RAMP1: variants seen among roughly 807,000 people sequenced by gnomAD.
The protein encoded by RAMP1 is receptor activity modifying protein 1.
RAMP1 carries 7 observed loss-of-function variants against 8.2 expected under a neutral mutation model. That is an observed-to-expected ratio of 0.85 (90% CI 0.49 to 1.60). The LOEUF is 1.60. Among genes scored for constraint, RAMP1 ranks in the 40% most tolerant of loss-of-function variants. RAMP1 has a pLI of 0.00. For synonymous variants in RAMP1, 92 were observed against 84.7 expected, an observed-to-expected ratio of 1.09 and a Z score of -0.47; for missense variants, 192 against 202.4, an observed-to-expected ratio of 0.95 and a Z score of 0.31.
intron 1 of RAMP1, among the ~76,000 whole-genome samples, chr2:237,868,416 T>C (rs2062211069): frequency 6.6e-6 from 1 of 152,152 alleles, no homozygotes; most frequent in South Asian, 2.1e-4. Flanking sequence ...TATCCACATA[T>C]CATTATGTGA....
rs2062112342 is a variant in RAMP1 at position 237,859,649 on chromosome 2, G to T, written c.-27G>T. On this transcript the variant is annotated 5_prime_UTR_variant, in exon 1 of 3. Transcript: ENST00000254661. ...GTCCTCAGCGGGGCGCGTGGCGAGC[G>T]GACTCGACTCGGCACCGCTGTGCAC... 6.9e-7 allele frequency: 1 copy of T among 1,444,340 alleles called. No homozygotes were observed. The highest frequency in any genetic ancestry group is 1.4e-5 in the South Asian group (1 of 71,942). 89.5% of individuals were successfully genotyped at this position (1,444,340 alleles called of 1,614,324 possible). A position where few individuals can be genotyped will look rare whatever the true frequency, so the allele number is the denominator to read the frequency against.
intron 2 of RAMP1, among the ~76,000 whole-genome samples, chr2:237,906,786 G>C (rs899712100): frequency 1.5e-5 from 2 of 137,366 alleles, no homozygotes; most frequent in African/African-American, 2.7e-5. Flanking sequence ...GCAATGGCGT[G>C]ATCTCAACTC....
chr2:237,902,247 C>T (rs553471042), intron 2 of RAMP1, among the ~76,000 whole-genome samples: 1 of 147,442 alleles, frequency 6.8e-6, no homozygotes, highest in African/African-American at 2.5e-5. Flanking sequence ...GAGGTGGGGG[C>T]CTGGAGCAAG....
rs552575312 is a variant in RAMP1 at position 237,875,085 on chromosome 2, T to C, written c.53-2139T>C. ...GGCAGCCTGGAATTCCTTCCCTGAGTTGACAAGTCAGTGTCTGAGCCCTCC... is the reference window on the plus strand; with the variant it reads ...GGCAGCCTGGAATTCCTTCCCTGAGCTGACAAGTCAGTGTCTGAGCCCTCC... On this transcript the variant is annotated intron_variant, in intron 1 of 2. Transcript: ENST00000254661. Among the ~76,000 whole-genome samples the C allele has an allele frequency of 2.6e-5, 4 of 152,224 alleles. No homozygotes were observed. In the South Asian group the frequency reaches 6.2e-4, roughly 24 times the overall value.
Position 237,911,789 on chromosome 2 carries a change from G to T in RAMP1, c.*6G>T. ...GCACTGAGGGCATTGTGTAGGCGGG[G>T]CCCAGGCTGCCCGCGGGTGCACCCA... On this transcript the variant is annotated 3_prime_UTR_variant, in exon 3 of 3. Transcript: ENST00000254661. 6.3e-7 allele frequency: 1 copy of T among 1,591,020 alleles called. No individual in the cohort carries two copies. Among genetic ancestry groups the T allele is most frequent in the East Asian group, 2.3e-5 (1 of 43,682 alleles).
At chr2:237,875,127 C>G (rs2151007480) in intron 1 of RAMP1, among the ~76,000 whole-genome samples, 1 of 152,228 alleles carries the variant, frequency 6.6e-6, no homozygotes, top group Non-Finnish European at 1.5e-5. Flanking sequence ...CCTGGGAGCT[C>G]CTGGGGCATC....
intron 1 of RAMP1, among the ~76,000 whole-genome samples, chr2:237,872,105 G>A (rs930032937): frequency 1.3e-5 from 2 of 152,212 alleles, no homozygotes; most frequent in South Asian, 2.1e-4. Flanking sequence ...CATGCCTTAA[G>A]GATGTTAGGG....
intron 2 of RAMP1, among the ~76,000 whole-genome samples, chr2:237,910,576 TACACAGTCACACAGAATAACACAGTC>T (rs564846305): frequency 2.8e-3 from 396 of 143,120 alleles, no homozygotes; most frequent in Non-Finnish European, 4.3e-3. Context: ...GAATAACAGT[TACACAGTCACACAGAATAACACAGTC>T]ACACAGTCAC....
In RAMP1 at chr2:237,877,755, T is replaced by C. The variant is rs2062324525; in HGVS notation, c.191+393T>C. 1.3e-5 allele frequency among the ~76,000 whole-genome samples: 2 copies of C among 152,132 alleles called. No individual in the cohort carries two copies. Among genetic ancestry groups the C allele is most frequent in the African/African-American group, 2.4e-5 (1 of 41,440 alleles). On this transcript the variant is annotated intron_variant, in intron 2 of 2. Coordinates refer to ENST00000254661, the MANE Select transcript of RAMP1 (RefSeq NM_005855.4). The surrounding 1 kb of genome is among the most constrained non-coding windows in gnomAD (Gnocchi z 4.4). ...CTGCTGATTCCCTCTGTCCCTGTGG[T>C]CAGGCCAAAGCTGTCCTTCCTGGCC...
At chr2:237,894,728 C>T (rs2062521136) in intron 2 of RAMP1, among the ~76,000 whole-genome samples, 1 of 152,214 alleles carries the variant, frequency 6.6e-6, no homozygotes, top group Non-Finnish European at 1.5e-5. Context: ...CCCAGGCTGT[C>T]CAGGTGGCTT....
rs1005721834 is a variant in RAMP1, at chr2:237,859,737, T to C, written c.52+10T>C. ...CTCTGGCTGCTCCTGGGTGAGTAGG[T>C]CCAGGGGTCCCGGCCGAGCTCCCTT... On this transcript the variant is annotated intron_variant, in intron 1 of 2. Coordinates refer to ENST00000254661, the MANE Select transcript of RAMP1 (RefSeq NM_005855.4). 1.2e-5 allele frequency: 18 copies of C among 1,504,638 alleles called. No homozygotes were observed. The highest frequency in any genetic ancestry group is 1.5e-5 in the African/African-American group (1 of 68,848). 93.2% of individuals were successfully genotyped at this position (1,504,638 alleles called of 1,614,324 possible).
chr2:237,864,037 C>T (rs1338044047), intron 1 of RAMP1, among the ~76,000 whole-genome samples: 2 of 152,112 alleles, frequency 1.3e-5, no homozygotes, highest in Non-Finnish European at 2.9e-5. Context: ...GTTAGTGTCA[C>T]CCCCACACAT....
intron 1 of RAMP1, among the ~76,000 whole-genome samples, chr2:237,872,980 G>A (rs1450846209): frequency 6.6e-6 from 1 of 152,226 alleles, no homozygotes; most frequent in Non-Finnish European, 1.5e-5. Flanking sequence ...CCATGATTGT[G>A]CTGCTGCACT....
chr2:237,879,712 G>A (rs373408010), intron 2 of RAMP1, among the ~76,000 whole-genome samples: 4 of 144,746 alleles, frequency 2.8e-5, no homozygotes, highest in African/African-American at 7.7e-5. Flanking sequence ...AAATCTGACC[G>A]GGCACTGTGG....
chr2:237,895,554 C>T (rs931335685), intron 2 of RAMP1, among the ~76,000 whole-genome samples: 4 of 152,122 alleles, frequency 2.6e-5, no homozygotes, highest in East Asian at 1.9e-4. Context: ...GCTGCTACCC[C>T]GATGGAGGCG....
chr2:237,879,415 C>T (rs13408889), intron 2 of RAMP1, among the ~76,000 whole-genome samples: 5,860 of 151,708 alleles, frequency 0.039, 354 homozygotes, highest in African/African-American at 0.13. Flanking sequence ...AGAGAGAGTT[C>T]GCCATCCTCG....
At chr2:237,908,428 G>A (rs2062674887) in intron 2 of RAMP1, among the ~76,000 whole-genome samples, 1 of 151,878 alleles carries the variant, frequency 6.6e-6, no homozygotes, top group Non-Finnish European at 1.5e-5. Flanking sequence ...GGTGGTGGTG[G>A]TGGTGGTGGT....
Position 237,878,352 on chromosome 2 carries a change from C to T in RAMP1, c.191+990C>T, listed in dbSNP as rs965376378. ...CGGAGGAAAGGTTGCACCAAGGTCACACACGAAGAGTACCTGTGGCTGTGG... is the reference window on the plus strand; with the variant it reads ...CGGAGGAAAGGTTGCACCAAGGTCATACACGAAGAGTACCTGTGGCTGTGG... On this transcript the variant is annotated intron_variant, in intron 2 of 2. Transcript: ENST00000254661. This position sits in a 1 kb window ranked among gnomAD's most constrained non-coding sequence, Gnocchi z 5.7. Among the ~76,000 whole-genome samples the T allele has an allele frequency of 2.6e-5, 4 of 152,238 alleles. No homozygotes were observed. Among genetic ancestry groups the T allele is most frequent in the Non-Finnish European group, 4.4e-5 (3 of 68,034 alleles).
chr2:237,890,660 T>C (rs1364798886), intron 2 of RAMP1, among the ~76,000 whole-genome samples: 1 of 152,256 alleles, frequency 6.6e-6, no homozygotes, highest in African/African-American at 2.4e-5. Flanking sequence ...TTAACGGTTA[T>C]CTTCATCTGT....
Sources: allele counts gnomAD v4.1 joint callset (sites outside exome capture counted in the v4.1 genomes callset), GRCh38; gene constraint gnomAD v4.1.1; non-coding constraint Gnocchi (gnomAD v3.1); transcripts MANE v1.5; gene names NCBI Gene and HGNC (gene_info 2026-07-23, HGNC 2026-07-21).